The following LRRFIP1 variants were observed in gnomAD, a reference collection of about 807,000 sequenced individuals.
The protein encoded by LRRFIP1 is leucine-rich repeat flightless-interacting protein 1.
A neutral mutation model predicts 104.4 loss-of-function variants in LRRFIP1; 62 were observed. That is an observed-to-expected ratio of 0.59 (90% confidence interval 0.48 to 0.73). The LOEUF is 0.73. LRRFIP1 is among the 30% of genes least tolerant of loss of function. LRRFIP1 has a pLI of 0.00. For missense variants in LRRFIP1, 796 were observed against 824.5 expected, an observed-to-expected ratio of 0.97 and a Z score of 0.42; for synonymous variants, 300 against 299.0, an observed-to-expected ratio of 1.00 and a Z score of -0.03.
At position 237,703,589 on chromosome 2, in the gene LRRFIP1, G is replaced by A. The variant is rs1201321273; in HGVS notation, c.97-4955G>A. Among the ~76,000 whole-genome samples the A allele has an allele frequency of 6.6e-6, 1 of 151,934 alleles. No individual in the cohort carries two copies. Among genetic ancestry groups the A allele is most frequent in the Non-Finnish European group, 1.5e-5 (1 of 68,006 alleles). ...CCGGCTCTGCTTGTCCTGTTTCAGG[G>A]TCCGGCTTAGGGCTCCTGTCCTGCG... On this transcript the variant is annotated intron_variant, in intron 1 of 23. Transcript: ENST00000308482. The surrounding 1 kb of genome is among the most constrained non-coding windows in gnomAD (Gnocchi z 4.3).
chr2:237,656,902 A>C (rs2086908415), intron 1 of LRRFIP1, among the ~76,000 whole-genome samples: 1 of 152,260 alleles, frequency 6.6e-6, no homozygotes, highest in Non-Finnish European at 1.5e-5. Flanking sequence ...ATGGAAGTTC[A>C]CTAATATAAT....
At position 237,779,733 on chromosome 2, in the gene LRRFIP1, C is replaced by T. The variant is rs531422702; in HGVS notation, c.*201C>T. ...CACCAGGTGCCTCTGTCTGCAGACC[C>T]CTGGCCCGGGCTGGCGCCGACGCTC... On this transcript the variant is annotated 3_prime_UTR_variant, in exon 24 of 24. Coordinates refer to ENST00000308482, the MANE Select transcript of LRRFIP1 (RefSeq NM_001137550.2). 710 of 493,078 alleles carry T rather than the reference C, an allele frequency of 1.4e-3. 11 individuals carry two copies. Among genetic ancestry groups the T allele is most frequent in the South Asian group, 0.012 (548 of 44,836 alleles). The allele number at this position is 493,078 out of a possible 1,614,324, so 30.5% of individuals were successfully genotyped here.
chr2:237,697,703 T>C (rs1369754177), intron 1 of LRRFIP1, among the ~76,000 whole-genome samples: 3 of 152,128 alleles, frequency 2.0e-5, no homozygotes, highest in Non-Finnish European at 2.9e-5. Context: ...CTGGGGTTTG[T>C]AGGACAGTCT....
intron 1 of LRRFIP1, among the ~76,000 whole-genome samples, chr2:237,672,927 G>A (rs942597603): frequency 6.6e-6 from 1 of 152,184 alleles, no homozygotes; most frequent in Non-Finnish European, 1.5e-5. Flanking sequence ...GTCTTATATA[G>A]ATGGTTGCAG....
chr2:237,682,033 C>T (rs748666607), intron 1 of LRRFIP1, among the ~76,000 whole-genome samples: 4 of 152,022 alleles, frequency 2.6e-5, no homozygotes, highest in Non-Finnish European at 4.4e-5. Flanking sequence ...GTGCTGGGCT[C>T]GAAGACGGAC....
chr2:237,717,708 G>A lies in LRRFIP1; in HGVS notation c.202-54G>A. 7.4e-7 allele frequency: 1 copy of A among 1,349,752 alleles called. No homozygotes were observed. The highest frequency in any genetic ancestry group is 1.4e-5 in the African/African-American group (1 of 69,630). 83.6% of individuals were successfully genotyped at this position (1,349,752 alleles called of 1,614,324 possible). On this transcript the variant is annotated intron_variant, in intron 3 of 23. Transcript: ENST00000308482. The surrounding 1 kb of genome is among the most constrained non-coding windows in gnomAD (Gnocchi z 4.2). ...TGTCAGAACAGTGCCTTAGACAACT[G>A]CCTTTTTAAGAAATTTCACTTCTTG...
At chr2:237,704,728 G>A (rs543816706) in intron 1 of LRRFIP1, among the ~76,000 whole-genome samples, 1 of 152,272 alleles carries the variant, frequency 6.6e-6, no homozygotes, top group South Asian at 2.1e-4. Context: ...GGGGCTGCAA[G>A]GATTTGGAAT....
At chr2:237,751,613 T>C (rs1203375857) in intron 14 of LRRFIP1, among the ~76,000 whole-genome samples, 2 of 152,274 alleles carry the variant, frequency 1.3e-5, no homozygotes, top group African/African-American at 4.8e-5. Context: ...CTTGGTTTTC[T>C]TCACTTTTTG....
At chr2:237,762,489 C>T (rs1247097578) in intron 19 of LRRFIP1, 3 of 811,738 alleles carry the variant, frequency 3.7e-6, no homozygotes, top group Admixed American at 2.9e-5. Context: ...TCTTTGATGA[C>T]TCTGTCTTTA....
Position 237,664,162 on chromosome 2 carries a change from G to A in LRRFIP1, c.96+36422G>A, listed in dbSNP as rs146040565. 3.5e-4 allele frequency among the ~76,000 whole-genome samples: 53 copies of A among 152,360 alleles called. No individual in the cohort carries two copies. The East Asian group carries it at 6.9e-3, about 20-fold the overall frequency. ...GGTCCTGGCGGCCTCAGCCAGAGCC[G>A]TTTTAGTGAAGTCATGGGGAGAAGG... On this transcript the variant is annotated intron_variant, in intron 1 of 23. Coordinates refer to ENST00000308482, the MANE Select transcript of LRRFIP1 (RefSeq NM_001137550.2).
At position 237,769,992 on chromosome 2, in the gene LRRFIP1, G is replaced by T; in HGVS notation, c.1509G>T (p.Gln503His). ...ATGAACGGGAATGCTTATTGGAACA[G>T]GTAACAATCTTTTTATTACTTTACC... The part of the protein sequence containing the change: ...LVDERECLLE[Q>H]IKKLKGQLEE... The change falls in exon 20 of 24, where the codon CAG (glutamine) becomes CAT (histidine). Residue 503 changes from glutamine (Q) to histidine (H), a missense_variant and splice_region_variant. Physicochemically the swap from Gln to His is conservative, Grantham distance 24. Transcript: ENST00000308482. 1 of 1,601,754 alleles carries T rather than the reference G, an allele frequency of 6.2e-7. No homozygotes were observed. The highest frequency in any genetic ancestry group is 8.5e-7 in the Non-Finnish European group (1 of 1,173,216).
At chr2:237,676,917 G>A (rs1245292389) in intron 1 of LRRFIP1, among the ~76,000 whole-genome samples, 2 of 152,186 alleles carry the variant, frequency 1.3e-5, no homozygotes, top group Non-Finnish European at 2.9e-5. Context: ...TGTTGGATTC[G>A]CACCATCTGG....
chr2:237,757,836 A>G (rs1422370169), intron 17 of LRRFIP1, among the ~76,000 whole-genome samples: 1 of 151,926 alleles, frequency 6.6e-6, no homozygotes, highest in African/African-American at 2.4e-5. Context: ...GGTTGTTGAA[A>G]CAGCTGGAGT....
intron 1 of LRRFIP1, among the ~76,000 whole-genome samples, chr2:237,636,962 T>C (rs1421196478): frequency 6.6e-6 from 1 of 152,214 alleles, no homozygotes; most frequent in East Asian, 1.9e-4. Flanking sequence ...GTTTTGTTTT[T>C]GATTAAGGGA....
chr2:237,757,384 G>A (rs1009241667), intron 16 of LRRFIP1, 72 bp from the exon 17 acceptor site: 1 of 962,902 alleles, frequency 1.0e-6, no homozygotes. Flanking sequence ...CCAGCTCTCA[G>A]GTTCTCTCTC....
At chr2:237,720,315 T>G (rs1295048737) in intron 5 of LRRFIP1, among the ~76,000 whole-genome samples, 3 of 151,940 alleles carry the variant, frequency 2.0e-5, no homozygotes, top group African/African-American at 7.3e-5. Context: ...TGGTGCAGTC[T>G]TGGCTCACTG....
intron 1 of LRRFIP1, among the ~76,000 whole-genome samples, chr2:237,704,795 A>G (rs749228730): frequency 3.3e-5 from 5 of 151,876 alleles, no homozygotes; most frequent in African/African-American, 4.8e-5. Context: ...GGAGATCGCC[A>G]TAGTTGACCT....
At chr2:237,639,010 A>C (rs1177992806) in intron 1 of LRRFIP1, among the ~76,000 whole-genome samples, 2 of 152,114 alleles carry the variant, frequency 1.3e-5, no homozygotes, top group South Asian at 2.1e-4. Flanking sequence ...TCTTTTTTTT[A>C]TCCGAGAAAG....
chr2:237,713,931 A>T (rs2094216487), intron 2 of LRRFIP1, among the ~76,000 whole-genome samples: 1 of 152,238 alleles, frequency 6.6e-6, no homozygotes, highest in African/African-American at 2.4e-5. Flanking sequence ...CCGCAAAAAG[A>T]AATTCTGAAT....
Sources: allele counts gnomAD v4.1 joint callset (sites outside exome capture counted in the v4.1 genomes callset), GRCh38; gene constraint gnomAD v4.1.1; non-coding constraint Gnocchi (gnomAD v3.1); transcripts MANE v1.5; gene names NCBI Gene and HGNC (gene_info 2026-07-23, HGNC 2026-07-21).